Variants in EVA1C observed in about 807,000 individuals in gnomAD.
EVA1C encodes protein eva-1 homolog C.
In EVA1C, 25 loss-of-function variants were observed where a neutral mutation model predicts 45.4. That is an observed-to-expected ratio of 0.55 (90% CI 0.40 to 0.77). The LOEUF (loss-of-function observed/expected upper bound fraction) is 0.77. Ranked by LOEUF, EVA1C falls within the 30% of genes least tolerant of loss-of-function variation. EVA1C has a pLI of 0.00. For synonymous variants in EVA1C, 190 were observed against 221.2 expected (o/e 0.86, Z 1.25); for missense variants, 479 against 554.8 (o/e 0.86, Z 1.37).
At chr21:32,415,026 T>G (rs990436660) in intron 1 of EVA1C, among the ~76,000 whole-genome samples, 7 of 152,226 alleles carry the variant, frequency 4.6e-5, no homozygotes, top group Non-Finnish European at 1.0e-4. Flanking sequence ...TCATTTGACT[T>G]GGATTTTAGC....
intron 4 of EVA1C, among the ~76,000 whole-genome samples, chr21:32,483,382 C>T (rs2036861015): frequency 6.6e-6 from 1 of 152,184 alleles, no homozygotes; most frequent in African/African-American, 2.4e-5. Flanking sequence ...TTGGTATAGA[C>T]AGGCACTTAA....
At chr21:32,460,805 G>T (rs1399115965) in intron 3 of EVA1C, among the ~76,000 whole-genome samples, 1 of 151,546 alleles carries the variant, frequency 6.6e-6, no homozygotes. Context: ...GAGTGTAGTG[G>T]CTCAATCTTG....
intron 3 of EVA1C, among the ~76,000 whole-genome samples, chr21:32,463,547 C>T (rs1453977010): frequency 6.6e-6 from 1 of 152,224 alleles, no homozygotes; most frequent in East Asian, 1.9e-4. Flanking sequence ...GTGACACGCA[C>T]AGGCCCCTCC....
At chr21:32,511,077 T>C (rs2037932337) in intron 7 of EVA1C, among the ~76,000 whole-genome samples, 1 of 150,706 alleles carries the variant, frequency 6.6e-6, no homozygotes, top group Non-Finnish European at 1.5e-5. Context: ...GTATACACAA[T>C]ATATTTGCTG....
rs767991452 is a variant in EVA1C at position 32,453,396 on chromosome 21, C to T, written c.245C>T (p.Thr82Met). The T allele has an allele frequency of 1.2e-5, 19 of 1,611,522 alleles. No individual in the cohort carries two copies. The highest frequency in any genetic ancestry group is 4.5e-5 in the East Asian group (2 of 44,880). The change falls in exon 2 of 8, where the codon ACG becomes ATG. Residue 82 changes from threonine to methionine, a missense_variant. By Grantham distance (81) the Thr-to-Met change is moderately conservative (BLOSUM62 -1). Transcript: ENST00000300255. Reference protein sequence around the residue: ...YLNLQCPRHSTISVQSAFYGQ... With the variant: ...YLNLQCPRHSMISVQSAFYGQ... The stretch of plus-strand genomic sequence containing the variant: ...AATCTACAGTGCCCTCGGCATTCTA[C>T]GATAAGTGTCCAATCGGCATTTTAT...
intron 1 of EVA1C, among the ~76,000 whole-genome samples, chr21:32,430,402 G>A (rs2034653022): frequency 6.6e-6 from 1 of 152,086 alleles, no homozygotes; most frequent in African/African-American, 2.4e-5. Flanking sequence ...ATTCCTTTCT[G>A]CAGCTGGACA....
chr21:32,442,485 C>T (rs2035212202), intron 1 of EVA1C, among the ~76,000 whole-genome samples: 1 of 152,048 alleles, frequency 6.6e-6, no homozygotes. Flanking sequence ...CTCCCCACCC[C>T]CCAACCCCAT....
At chr21:32,424,910 G>A (rs116646464) in intron 1 of EVA1C, among the ~76,000 whole-genome samples, 1,656 of 152,214 alleles carry the variant, frequency 0.011, 29 homozygotes, top group African/African-American at 0.038. Context: ...AGGCTGGAGT[G>A]CACTGGCATG....
In EVA1C at chr21:32,457,686, T is replaced by A. The variant is rs1568905099; in HGVS notation, c.447T>A (p.Ser149Arg). Residue 149 changes from serine to arginine, a missense_variant, in exon 3 of 8, where the codon AGT (serine) becomes AGA (arginine). Coordinates refer to ENST00000300255, the MANE Select transcript of EVA1C (RefSeq NM_058187.5). Reference sequence around the variant, plus strand: ...GACCTGACCTTTGTCCAGGAAGCAGTAAATACCTCCTGGTCTCCTTTAAAT... The same window carrying A: ...GACCTGACCTTTGTCCAGGAAGCAGAAAATACCTCCTGGTCTCCTTTAAAT... ...VFGPDLCPGSSKYLLVSFKCQ... is the reference protein window; with the variant it reads ...VFGPDLCPGSRKYLLVSFKCQ... 6.2e-7 allele frequency: 1 copy of A among 1,614,168 alleles called. No individual in the cohort carries two copies.
chr21:32,497,568 A>T (rs77131577), intron 5 of EVA1C, among the ~76,000 whole-genome samples: 2,009 of 152,104 alleles, frequency 0.013, 54 homozygotes, highest in African/African-American at 0.046. Flanking sequence ...TTACTAAAAC[A>T]TTTTTTTTAA....
At chr21:32,427,567 G>C (rs1470259354) in intron 1 of EVA1C, among the ~76,000 whole-genome samples, 1 of 152,150 alleles carries the variant, frequency 6.6e-6, no homozygotes, top group Non-Finnish European at 1.5e-5. Context: ...ACAAAAATTA[G>C]CTGGGCGTGG....
intron 1 of EVA1C, among the ~76,000 whole-genome samples, chr21:32,447,369 G>A (rs898911214): frequency 4.6e-5 from 7 of 151,996 alleles, no homozygotes; most frequent in Non-Finnish European, 4.4e-5. Context: ...ACTCCGTCTC[G>A]GTGGGGGGAA....
chr21:32,467,905 AATATATAT>A lies in EVA1C; in HGVS notation c.634+66_634+73del. 3 of 1,025,030 alleles carry A rather than the reference AATATATAT, an allele frequency of 2.9e-6. 1 individual carries two copies. The highest frequency in any genetic ancestry group is 4.7e-5 in the South Asian group (2 of 42,272). 63.5% of individuals were successfully genotyped at this position (1,025,030 alleles called of 1,614,324 possible). A position where few individuals can be genotyped will look rare whatever the true frequency, so the allele number is the denominator to read the frequency against. ...TTCTCTAGAGGGACAGAATTAATAG[AATATATAT>A]ATATATATCCTATATATATCCTATA... On this transcript the variant is annotated intron_variant, in intron 4 of 7. Coordinates refer to ENST00000300255, the MANE Select transcript of EVA1C (RefSeq NM_058187.5).
intron 1 of EVA1C, among the ~76,000 whole-genome samples, chr21:32,446,061 T>C (rs939306113): frequency 3.9e-5 from 6 of 152,028 alleles, no homozygotes; most frequent in African/African-American, 1.4e-4. Flanking sequence ...CTGGCCAACA[T>C]GGTGAAACCC....
chr21:32,443,727 T>C (rs115356335), intron 1 of EVA1C, among the ~76,000 whole-genome samples: 440 of 152,320 alleles, frequency 2.9e-3, no homozygotes, highest in African/African-American at 0.01. Context: ...AGTGCTCTCT[T>C]TTATTTTTAT....
chr21:32,473,534 G>A (rs2036450476), intron 4 of EVA1C, among the ~76,000 whole-genome samples: 1 of 152,174 alleles, frequency 6.6e-6, no homozygotes, highest in South Asian at 2.1e-4. Context: ...CATGGGCAGA[G>A]CATTTGCCGT....
At position 32,426,384 on chromosome 21, in the gene EVA1C, A is replaced by T. The variant is rs188805075; in HGVS notation, c.160+13371A>T. Among the ~76,000 whole-genome samples, 83 of 152,214 alleles carry T rather than the reference A, an allele frequency of 5.5e-4. 1 individual carries two copies. The highest frequency in any genetic ancestry group is 3.5e-4 in the Non-Finnish European group (24 of 67,994). ...ATGGGGGGTGGATAATTTGATTTGA[A>T]CATGAAAAAGGAAGGAGAAAGTCAC... On this transcript the variant is annotated intron_variant, in intron 1 of 7. Transcript: ENST00000300255.
chr21:32,433,658 T>A (rs116595501), intron 1 of EVA1C, among the ~76,000 whole-genome samples: 406 of 152,216 alleles, frequency 2.7e-3, no homozygotes, highest in African/African-American at 9.4e-3. Context: ...CTCGTGGAGG[T>A]CGTCATATTC....
chr21:32,502,024 CTTTCTTTCTTTCTTTCTTTCTT>C (rs2037561452), intron 6 of EVA1C, among the ~76,000 whole-genome samples: 1 of 132,374 alleles, frequency 7.6e-6, no homozygotes, highest in African/African-American at 3.2e-5. Flanking sequence ...TTCTTTCTTT[CTTTCTTTCTTTCTTTCTTTCTT>C]TCTTTCTTCT....
Sources: gnomAD v4.1 joint callset for allele counts (sites outside exome capture counted in the v4.1 genomes callset) on GRCh38, gnomAD v4.1.1 for gene constraint, MANE v1.5 for transcripts, NCBI Gene and HGNC (gene_info 2026-07-23, HGNC 2026-07-21) for gene names.